The following CHAT variants were observed in gnomAD, a reference collection of about 807,000 sequenced individuals.
CHAT encodes acetyl CoA:choline O-acetyltransferase.
Under a neutral mutation model 76.9 loss-of-function variants are expected in CHAT, and 61 were observed. The ratio of observed to expected loss-of-function variants is 0.79; its 90% CI spans 0.65 to 0.98. The LOEUF is 0.98. Ranked by LOEUF, CHAT falls within the 50% of genes least tolerant of loss-of-function variation. CHAT has a pLI of 0.00. For missense variants in CHAT, 946 were observed against 986.9 expected, an observed-to-expected ratio of 0.96 and a Z score of 0.56; for synonymous variants, 407 against 397.4, an observed-to-expected ratio of 1.02 and a Z score of -0.29.
chr10:49,659,248 A>G (rs1840119135), intron 13 of CHAT, among the ~76,000 whole-genome samples: 1 of 152,252 alleles, frequency 6.6e-6, no homozygotes, highest in Non-Finnish European at 1.5e-5. Flanking sequence ...ACTGTCATCA[A>G]GTTTGAAGAT....
Position 49,627,457 on chromosome 10 carries a change from C to A in CHAT, c.934-151C>A, listed in dbSNP as rs539345853. ...AATCCAGCACAGTCAACAGCCTTGG[C>A]TTGGTCCCTAAACTGAGACTAGAAC... is the stretch of plus-strand genomic sequence containing the variant. On this transcript the variant is annotated intron_variant, in intron 6 of 14. Coordinates refer to ENST00000337653, the MANE Select transcript of CHAT (RefSeq NM_020549.5). 100 of 814,038 alleles carry A rather than the reference C, an allele frequency of 1.2e-4. 1 individual carries two copies. Among genetic ancestry groups the A allele is most frequent in the South Asian group, 8.6e-4 (62 of 72,314 alleles). The allele number at this position is 814,038 out of a possible 1,614,324, so 50.4% of individuals were successfully genotyped here.
At position 49,619,726 on chromosome 10, in the gene CHAT, G is replaced by C; in HGVS notation, c.389G>C (p.Gly130Ala). The C allele has an allele frequency of 6.2e-7, 1 of 1,610,638 alleles. No individual in the cohort carries two copies. Among genetic ancestry groups the C allele is most frequent in the Non-Finnish European group, 8.5e-7 (1 of 1,179,932 alleles). Residue 130 changes from glycine (G) to alanine (A), a missense_variant and splice_region_variant, in exon 3 of 15, where the codon GGG (glycine) becomes GCG (alanine). Physicochemically the swap from Gly to Ala is moderately conservative, Grantham distance 60. Transcript: ENST00000337653. Reference protein sequence around the residue: ...AAKTPSSEESGLPKLPVPPLQ... With the variant: ...AAKTPSSEESALPKLPVPPLQ... ...ATGCCTATGAACCCTTTCTTCCAGG[G>C]GCTGCCCAAACTGCCCGTGCCCCCG... is the stretch of plus-strand genomic sequence containing the variant.
intron 11 of CHAT, among the ~76,000 whole-genome samples, chr10:49,653,766 G>A (rs943452423): frequency 6.6e-6 from 1 of 152,256 alleles, no homozygotes; most frequent in Admixed American, 6.5e-5. Flanking sequence ...ATGGGGCCGA[G>A]ATAGGCCGTG....
upstream of CHAT, chr10:49,612,491 T>C (rs1354283023): frequency 1.4e-6 from 1 of 738,300 alleles, no homozygotes; most frequent in Non-Finnish European, 2.2e-6. Context: ...CCCCTCCCTG[T>C]GACCCGTTCC....
At chr10:49,662,897 A>T (rs1052044515) in intron 14 of CHAT, 115 bp downstream of exon 14, 3 of 1,303,580 alleles carry the variant, frequency 2.3e-6, no homozygotes, top group Non-Finnish European at 3.3e-6. Context: ...GCTTTTTCTG[A>T]ACTATGTGAT....
At chr10:49,627,465 C>A in intron 6 of CHAT, 143 bp from the exon 7 acceptor site, 1 of 873,912 alleles carries the variant, frequency 1.1e-6, no homozygotes, top group South Asian at 1.3e-5. Flanking sequence ...GGCTTGGTCC[C>A]TAAACTGAGA....
At chr10:49,628,839 C>T (rs1303083778) in intron 7 of CHAT, among the ~76,000 whole-genome samples, 1 of 152,282 alleles carries the variant, frequency 6.6e-6, no homozygotes, top group African/African-American at 2.4e-5. Context: ...AGGGACACAC[C>T]CACCTTACCC....
At chr10:49,638,250 C>A (rs1428934035) in intron 7 of CHAT, among the ~76,000 whole-genome samples, 1 of 152,126 alleles carries the variant, frequency 6.6e-6, no homozygotes, top group East Asian at 1.9e-4. Flanking sequence ...ATTAAGATAG[C>A]CATTTCTGCT....
At chr10:49,623,489 G>C (rs1838802981) in intron 5 of CHAT, among the ~76,000 whole-genome samples, 1 of 152,202 alleles carries the variant, frequency 6.6e-6, no homozygotes, top group Non-Finnish European at 1.5e-5. Context: ...ATGCTGGGAA[G>C]AGGAAGAGAA....
At chr10:49,624,721 ATGG>A in intron 5 of CHAT, among the ~76,000 whole-genome samples, 3 of 45,356 alleles carry the variant, frequency 6.6e-5, no homozygotes, top group Non-Finnish European at 2.4e-4. Context: ...GGAAGGAAGG[ATGG>A]ATGGACGGAT....
rs1838886734 is a variant in CHAT, at chr10:49,625,542, T to C, written c.822T>C (p.Tyr274=). The stretch of plus-strand genomic sequence containing the variant: ...AGCCCCTTTGCATGAAGCAATACTA[T>C]GGGCTCTTCTCCTCCTACCGGCTCC... The part of the protein sequence containing the change: ...SGQPLCMKQY[Y]GLFSSYRLPG... The change falls in exon 6 of 15, where the codon TAT becomes TAC. Residue 274 remains tyrosine, a synonymous_variant. Transcript: ENST00000337653. 1 of 1,613,694 alleles carries C rather than the reference T, an allele frequency of 6.2e-7. No individual in the cohort carries two copies. Among genetic ancestry groups the C allele is most frequent in the African/African-American group, 1.3e-5 (1 of 74,938 alleles).
chr10:49,652,208 G>A (rs531050748), intron 11 of CHAT, among the ~76,000 whole-genome samples: 2 of 152,322 alleles, frequency 1.3e-5, no homozygotes, highest in South Asian at 4.1e-4. Context: ...GTGCCATCAG[G>A]GAACTGCCTG....
chr10:49,611,434 G>A (rs1838292680), upstream of CHAT: 1 of 1,597,792 alleles, frequency 6.3e-7, no homozygotes, highest in Non-Finnish European at 8.5e-7. Flanking sequence ...CCCGCCCTTC[G>A]GGGGCATCCT....
chr10:49,624,064 G>T (rs894748942), intron 5 of CHAT, among the ~76,000 whole-genome samples: 1 of 152,144 alleles, frequency 6.6e-6, no homozygotes, highest in Non-Finnish European at 1.5e-5. Context: ...AGAATAAGGC[G>T]ATAGCTCCTC....
At chr10:49,662,554 T>C in intron 13 of CHAT, 91 bp from the exon 14 acceptor site, 1 of 1,515,282 alleles carries the variant, frequency 6.6e-7, no homozygotes. Context: ...GCTGCTGGAG[T>C]CACCAGCAGT....
intron 5 of CHAT, among the ~76,000 whole-genome samples, chr10:49,623,066 G>A (rs1838787398): frequency 1.3e-5 from 2 of 152,194 alleles, no homozygotes; most frequent in Admixed American, 1.3e-4. Context: ...ACGCTCCTGT[G>A]TGCTCTGCTC....
At chr10:49,623,777 C>T (rs1838818426) in intron 5 of CHAT, among the ~76,000 whole-genome samples, 1 of 152,180 alleles carries the variant, frequency 6.6e-6, no homozygotes, top group Admixed American at 6.5e-5. Context: ...CTAGAAGTCA[C>T]CTGTGCTTGT....
rs540675097 is a variant in CHAT, at chr10:49,662,971, A to C, written c.1977+189A>C. ...TTACTGACCAGGCTTGGTGGCTTACAACTATAATCCCAACACCTTGGGAGG... is the reference window on the plus strand; with the variant it reads ...TTACTGACCAGGCTTGGTGGCTTACCACTATAATCCCAACACCTTGGGAGG... On this transcript the variant is annotated intron_variant, in intron 14 of 14. Coordinates refer to ENST00000337653, the MANE Select transcript of CHAT (RefSeq NM_020549.5). 5.9e-5 allele frequency among the ~76,000 whole-genome samples: 9 copies of C among 152,316 alleles called. No homozygotes were observed. In the South Asian group the frequency reaches 1.5e-3, roughly 25 times the overall value.
Position 49,649,505 on chromosome 10 carries a change from C to A in CHAT, c.1383-3C>A. The stretch of plus-strand genomic sequence containing the variant: ...CCTCAGGAGGTTGCCTCTGTGCCCG[C>A]AGGACGCAGAGCAGCAGGAAGCTGA... On this transcript the variant is annotated splice_region_variant and splice_polypyrimidine_tract_variant and intron_variant, in intron 9 of 14. Coordinates refer to ENST00000337653, the MANE Select transcript of CHAT (RefSeq NM_020549.5). The A allele has an allele frequency of 6.2e-7, 1 of 1,613,822 alleles. No individual in the cohort carries two copies.
Sources: gnomAD v4.1 joint callset for allele counts (sites outside exome capture counted in the v4.1 genomes callset) on GRCh38, gnomAD v4.1.1 for gene constraint, MANE v1.5 for transcripts, NCBI Gene and HGNC (gene_info 2026-07-23, HGNC 2026-07-21) for gene names.